The following SUN1 variants were observed in gnomAD, a reference collection of about 807,000 sequenced individuals.
SUN1 encodes SUN domain-containing protein 1.
SUN1 carries 61 observed loss-of-function variants against 103.2 expected under a neutral mutation model. The observed-to-expected ratio is 0.59, with a 90% CI of 0.48 to 0.73. SUN1 has a LOEUF of 0.73. SUN1 is among the 30% of genes least tolerant of loss of function. The pLI is 0.00. For missense variants in SUN1, 1,052 were observed against 1,034.6 expected (o/e 1.02, Z -0.23); for synonymous variants, 490 against 425.7 (o/e 1.15, Z -1.86).
chr7:817,308 C>G, intron 1 of SUN1: 1 of 957,008 alleles, frequency 1.0e-6, no homozygotes, highest in Non-Finnish European at 1.6e-6. Context: ...CTGCCCAGGT[C>G]GGACTCCTAG....
intron 11 of SUN1, among the ~76,000 whole-genome samples, chr7:855,925 G>A (rs1202967923): frequency 2.6e-5 from 4 of 152,362 alleles, no homozygotes; most frequent in South Asian, 4.1e-4. Flanking sequence ...GCCCTGGGCC[G>A]GGCTGTGGAG....
chr7:861,306 A>T (rs1319491167), intron 14 of SUN1, 74 bp from the exon 15 acceptor site: 2 of 1,461,896 alleles, frequency 1.4e-6, no homozygotes, highest in Non-Finnish European at 1.9e-6. Context: ...TCTGGTCCTC[A>T]TCCATGGCAC....
chr7:871,420 G>C (rs1204093905), intron 17 of SUN1, among the ~76,000 whole-genome samples: 2 of 151,664 alleles, frequency 1.3e-5, no homozygotes, highest in African/African-American at 4.9e-5. Flanking sequence ...ACCGAGTCTC[G>C]CTCTGTCACC....
chr7:836,268 C>T (rs1443932486), intron 1 of SUN1, among the ~76,000 whole-genome samples: 2 of 152,202 alleles, frequency 1.3e-5, no homozygotes, highest in African/African-American at 4.8e-5. Context: ...GAACTCCATC[C>T]AGAGCACGCA....
chr7:873,501 C>T lies in SUN1; in HGVS notation c.*170C>T, dbSNP rs1843016063. 6.2e-6 allele frequency: 4 copies of T among 647,508 alleles called. No homozygotes were observed. The highest frequency in any genetic ancestry group is 2.7e-5 in the East Asian group (1 of 36,698). The allele number at this position is 647,508 out of a possible 1,614,324, so 40.1% of individuals were successfully genotyped here. A position where few individuals can be genotyped will look rare whatever the true frequency, so the allele number is the denominator to read the frequency against. The stretch of plus-strand genomic sequence containing the variant: ...CGTGTGACGGGCGCCTTGGCGCCAC[C>T]TGTTGGGTGCTCACTGCCTCTGCAG... On this transcript the variant is annotated 3_prime_UTR_variant, in exon 19 of 19. Transcript: ENST00000401592.
intron 18 of SUN1, 51 bp downstream of exon 18, chr7:872,613 C>T (rs368997832): frequency 7.1e-5 from 103 of 1,453,272 alleles, no homozygotes; most frequent in Middle Eastern, 2.0e-4. Flanking sequence ...CACAACTTCT[C>T]GTGACAGCAG....
At chr7:840,175 C>T (rs1340380477) in intron 2 of SUN1, among the ~76,000 whole-genome samples, 1 of 152,218 alleles carries the variant, frequency 6.6e-6, no homozygotes, top group Non-Finnish European at 1.5e-5. Flanking sequence ...TCTGAACAGC[C>T]ACTCCCAGCC....
At chr7:848,614 AG>A in intron 5 of SUN1, 1 of 1,324,882 alleles carries the variant, frequency 7.5e-7, no homozygotes, top group Middle Eastern at 2.2e-4. Flanking sequence ...ATGAATCAAA[AG>A]GTATTTAAAT....
upstream of SUN1, among the ~76,000 whole-genome samples, chr7:829,805 C>T (rs571593033): frequency 2.0e-4 from 31 of 152,250 alleles, no homozygotes; most frequent in Middle Eastern, 3.4e-3. Context: ...CTGCCCTCCT[C>T]GGCCTCCCAA....
At chr7:864,642 G>T (rs1446987430) in intron 15 of SUN1, among the ~76,000 whole-genome samples, 1 of 149,022 alleles carries the variant, frequency 6.7e-6, no homozygotes. Context: ...TTCATTTTTC[G>T]TAGAGACAAA....
At chr7:870,040 CAAAA>C (rs1185142510) in intron 17 of SUN1, among the ~76,000 whole-genome samples, 18 of 92,842 alleles carry the variant, frequency 1.9e-4, no homozygotes, top group African/African-American at 7.3e-4. Context: ...CTAAAATATA[CAAAA>C]AAAAAAAAAA....
At chr7:846,447 C>T (rs1285895409) in intron 5 of SUN1, among the ~76,000 whole-genome samples, 2 of 152,052 alleles carry the variant, frequency 1.3e-5, no homozygotes, top group Non-Finnish European at 2.9e-5. Context: ...GTGGCACGTA[C>T]CTGTAGTCCC....
rs373421737 is a variant in SUN1, at chr7:851,718, G to T, written c.758-232G>T. On this transcript the variant is annotated intron_variant, in intron 6 of 18. Coordinates refer to ENST00000401592, the MANE Select transcript of SUN1 (RefSeq NM_001130965.3). ...GGAAGTCCGGCTGCCTGAATGCCCGGTGCAGAGAATGCATGGATCTGGGGC... is the reference window on the plus strand; with the variant it reads ...GGAAGTCCGGCTGCCTGAATGCCCGTTGCAGAGAATGCATGGATCTGGGGC... 1.4e-5 allele frequency: 9 copies of T among 627,448 alleles called. No individual in the cohort carries two copies. The African/African-American group carries it at 1.7e-4, about 12-fold the overall frequency. 38.9% of individuals were successfully genotyped at this position (627,448 alleles called of 1,614,324 possible). A position where few individuals can be genotyped will look rare whatever the true frequency, so the allele number is the denominator to read the frequency against.
At chr7:838,644 C>T (rs1805948270) in intron 1 of SUN1, among the ~76,000 whole-genome samples, 154 bp from the exon 2 acceptor site, 1 of 152,200 alleles carries the variant, frequency 6.6e-6, no homozygotes, top group Admixed American at 6.5e-5. Context: ...ACCTGTGTGC[C>T]ACCGTACGTT....
chr7:818,004 G>GT (rs200498619), intron 1 of SUN1, among the ~76,000 whole-genome samples: 14 of 150,294 alleles, frequency 9.3e-5, no homozygotes, highest in African/African-American at 2.4e-4. Flanking sequence ...TCCCAGAGCT[G>GT]TTTTTTTTTC....
At chr7:822,636 G>T (rs889775007) in intron 1 of SUN1, among the ~76,000 whole-genome samples, 1 of 135,084 alleles carries the variant, frequency 7.4e-6, no homozygotes, top group African/African-American at 2.9e-5. Flanking sequence ...AAACTGAAAA[G>T]TATTCACCTT....
At chr7:866,856 T>C (rs1417110891) in intron 16 of SUN1, among the ~76,000 whole-genome samples, 1 of 150,750 alleles carries the variant, frequency 6.6e-6, no homozygotes, top group Non-Finnish European at 1.5e-5. Flanking sequence ...TGCACTGCTT[T>C]TCTGTGGCTT....
intron 3 of SUN1, 76 bp downstream of exon 3, chr7:842,206 C>T (rs1220755615): frequency 4.6e-6 from 7 of 1,519,446 alleles, no homozygotes; most frequent in East Asian, 2.3e-5. Context: ...AGAGGGGAGG[C>T]GGTGGCCAGG....
chr7:815,962 G>A (rs1476518171), upstream of SUN1: 3 of 204,480 alleles, frequency 1.5e-5, no homozygotes, highest in South Asian at 1.5e-4. Flanking sequence ...GCTGCCTCCC[G>A]GAGCCGCAGC....
Sources: gnomAD v4.1 joint callset for allele counts (sites outside exome capture counted in the v4.1 genomes callset) on GRCh38, gnomAD v4.1.1 for gene constraint, MANE v1.5 for transcripts, NCBI Gene and HGNC (gene_info 2026-07-23, HGNC 2026-07-21) for gene names.